Variants in MAGI2 observed in about 807,000 individuals in gnomAD.
MAGI2 encodes the protein membrane associated guanylate kinase, WW and PDZ domain containing 2, also known as membrane-associated guanylate kinase, WW and PDZ domain-containing protein 2.
A neutral mutation model predicts 133.3 loss-of-function variants in MAGI2; 35 were observed. The observed-to-expected ratio is 0.26, with a 90% confidence interval of 0.20 to 0.35. The LOEUF (loss-of-function observed/expected upper bound fraction) is 0.35, where lower values mean the gene tolerates loss of function less well. Among genes scored for constraint, MAGI2 ranks in the 10% least tolerant of loss-of-function variants. The pLI is 1.00. For synonymous variants in MAGI2, 729 were observed against 710.6 expected (o/e 1.03, Z -0.41); for missense variants, 1,636 against 1,863.4 (o/e 0.88, Z 2.25).
At chr7:79,362,709 A>G (rs10240656) in intron 1 of MAGI2, among the ~76,000 whole-genome samples, 4,584 of 152,144 alleles carry the variant, frequency 0.03, 221 homozygotes, top group African/African-American at 0.1. Context: ...ATGAATGCAG[A>G]TAAAGCCTTG....
chr7:78,594,259 C>A (rs1804351907), intron 3 of MAGI2, among the ~76,000 whole-genome samples: 1 of 152,194 alleles, frequency 6.6e-6, no homozygotes, highest in Non-Finnish European at 1.5e-5. Flanking sequence ...TTCCTATTCT[C>A]TGCTACTGTG....
At chr7:78,741,868 A>C (rs9969173) in intron 2 of MAGI2, among the ~76,000 whole-genome samples, 4,782 of 152,110 alleles carry the variant, frequency 0.031, 242 homozygotes, top group African/African-American at 0.11. Flanking sequence ...CAAAACTATC[A>C]TCCATAGATA....
At chr7:78,712,323 A>G (rs1384452375) in intron 2 of MAGI2, among the ~76,000 whole-genome samples, 2 of 152,186 alleles carry the variant, frequency 1.3e-5, no homozygotes, top group South Asian at 4.1e-4. Context: ...TGAGGAAGCC[A>G]CAGCAGGGTG....
intron 1 of MAGI2, among the ~76,000 whole-genome samples, chr7:79,322,913 G>T (rs898465933): frequency 6.6e-6 from 1 of 152,086 alleles, no homozygotes; most frequent in African/African-American, 2.4e-5. Context: ...TGCAGTTCAG[G>T]CTGGAGCCTC....
At chr7:78,352,908 C>T (rs1488597379) in intron 7 of MAGI2, 2 of 152,166 alleles carry the variant, frequency 1.3e-5, no homozygotes, top group African/African-American at 2.4e-5. Flanking sequence ...AAACTTCGAA[C>T]TAACTCCTAG....
At position 78,431,653 on chromosome 7, in the gene MAGI2, C is replaced by T. The variant is rs549762217; in HGVS notation, c.1045+58108G>A. ...TTGATCCCAGAATCTATGGCAACTACCAACGCCATGACCCAGAGACTTTCA... is the reference window on the plus strand; with the variant it reads ...TTGATCCCAGAATCTATGGCAACTATCAACGCCATGACCCAGAGACTTTCA... On this transcript the variant is annotated intron_variant, in intron 6 of 21. Transcript: ENST00000354212. 3.3e-5 allele frequency among the ~76,000 whole-genome samples: 5 copies of T among 152,190 alleles called. No homozygotes were observed. In the East Asian group the frequency reaches 7.7e-4, roughly 24 times the overall value.
At chr7:78,133,210 A>G (rs901408420) in intron 17 of MAGI2, 150 bp from the exon 18 acceptor site, 22 of 612,774 alleles carry the variant, frequency 3.6e-5, no homozygotes, top group Admixed American at 1.2e-4. Context: ...GGTTAATCTT[A>G]TCAAGTTCTA....
In MAGI2 at chr7:79,311,708, G is replaced by A. The variant is rs1030345922; in HGVS notation, c.301+141312C>T. 1.8e-4 allele frequency among the ~76,000 whole-genome samples: 28 copies of A among 151,940 alleles called. 1 individual carries two copies. The highest frequency in any genetic ancestry group is 1.7e-3 in the Admixed American group (26 of 15,232). On this transcript the variant is annotated intron_variant, in intron 1 of 21. Coordinates refer to ENST00000354212, the MANE Select transcript of MAGI2 (RefSeq NM_012301.4). ...TTAATGTCAGGTTCATATTCCCACA[G>A]TTATTGAATGTTCAATAAACACCTC... is the stretch of plus-strand genomic sequence containing the variant.
At chr7:78,352,905 G>A (rs914298691) in intron 7 of MAGI2, 1 of 152,036 alleles carries the variant, frequency 6.6e-6, no homozygotes, top group African/African-American at 2.4e-5. Flanking sequence ...GGAAAACTTC[G>A]AACTAACTCC....
intron 2 of MAGI2, among the ~76,000 whole-genome samples, chr7:78,862,768 G>GT (rs1326870369): frequency 2.5e-4 from 38 of 152,214 alleles, no homozygotes; most frequent in African/African-American, 8.4e-4. Flanking sequence ...TACCATCTGG[G>GT]ACTAACAGGG....
chr7:78,505,176 C>G (rs1013855309), intron 4 of MAGI2, among the ~76,000 whole-genome samples: 2 of 152,088 alleles, frequency 1.3e-5, no homozygotes, highest in African/African-American at 4.8e-5. Context: ...AGAATATCAT[C>G]TTGCTGTCAC....
intron 9 of MAGI2, among the ~76,000 whole-genome samples, chr7:78,332,571 G>A (rs1054167100): frequency 3.3e-5 from 5 of 152,070 alleles, no homozygotes; most frequent in South Asian, 2.1e-4. Context: ...TGTGGCGGGC[G>A]CCTGTAGTCC....
chr7:78,649,237 A>AAAAAAAAAAAAAAAAAAAG (rs1563294737), intron 2 of MAGI2, among the ~76,000 whole-genome samples: 29 of 65,464 alleles, frequency 4.4e-4, no homozygotes, highest in South Asian at 1.6e-3. Flanking sequence ...AAAAAAAAAG[A>AAAAAAAAAAAAAAAAAAAG]AAAAAAAAGA....
At chr7:79,409,345 G>A (rs1238635532) in intron 1 of MAGI2, among the ~76,000 whole-genome samples, 1 of 151,704 alleles carries the variant, frequency 6.6e-6, no homozygotes, top group Non-Finnish European at 1.5e-5. Flanking sequence ...GGCTGGTCTT[G>A]AACTCCTGGC....
intron 10 of MAGI2, among the ~76,000 whole-genome samples, chr7:78,229,057 G>C (rs1789694919): frequency 6.6e-6 from 1 of 152,246 alleles, no homozygotes; most frequent in African/African-American, 2.4e-5. Flanking sequence ...TGCCTGAGCA[G>C]AGTAGATTTG....
At chr7:78,634,891 GTTT>G (rs1420804140) in intron 2 of MAGI2, among the ~76,000 whole-genome samples, 1 of 151,974 alleles carries the variant, frequency 6.6e-6, no homozygotes, top group Non-Finnish European at 1.5e-5. Flanking sequence ...TCCAAAATAA[GTTT>G]TATTATCCAA....
intron 1 of MAGI2, among the ~76,000 whole-genome samples, chr7:79,371,707 C>T (rs1200555184): frequency 1.3e-5 from 2 of 152,070 alleles, no homozygotes; most frequent in Non-Finnish European, 2.9e-5. Context: ...CTTAAAGATA[C>T]ATTTCTCACA....
chr7:78,912,794 TC>T (rs1798507370), intron 2 of MAGI2, among the ~76,000 whole-genome samples: 3 of 145,852 alleles, frequency 2.1e-5, no homozygotes, highest in African/African-American at 7.6e-5. Flanking sequence ...TATATATATA[TC>T]ATTCATATAT....
chr7:78,777,397 T>C (rs753573891), intron 2 of MAGI2, among the ~76,000 whole-genome samples: 1 of 152,192 alleles, frequency 6.6e-6, no homozygotes, highest in Non-Finnish European at 1.5e-5. Flanking sequence ...ACATAATGCA[T>C]GTAAGGAGCT....
Sources: gnomAD v4.1 joint callset for allele counts (sites outside exome capture counted in the v4.1 genomes callset) on GRCh38, gnomAD v4.1.1 for gene constraint, MANE v1.5 for transcripts, NCBI Gene and HGNC (gene_info 2026-07-23, HGNC 2026-07-21) for gene names.